EXOG: variants seen among roughly 807,000 people sequenced by gnomAD.
EXOG encodes the protein nuclease EXOG, mitochondrial.
A neutral mutation model predicts 25.8 loss-of-function variants in EXOG; 27 were observed. That is an observed-to-expected ratio of 1.05 (90% CI 0.77 to 1.45). The LOEUF is 1.45. EXOG is among the 40% of genes most tolerant of loss of function. EXOG has a pLI of 0.00. For missense variants in EXOG, 458 were observed against 450.5 expected (o/e 1.02, Z -0.15); for synonymous variants, 133 against 167.0 (o/e 0.80, Z 1.57).
intron 4 of EXOG, among the ~76,000 whole-genome samples, chr3:38,504,111 T>C (rs2060128139): frequency 6.6e-6 from 1 of 152,212 alleles, no homozygotes; most frequent in East Asian, 1.9e-4. Flanking sequence ...TTCATGTCTA[T>C]AGTCTCAGCA....
intron 5 of EXOG, among the ~76,000 whole-genome samples, chr3:38,514,546 T>A (rs1328056362): frequency 6.6e-6 from 1 of 151,934 alleles, no homozygotes; most frequent in Non-Finnish European, 1.5e-5. Context: ...GTAGGAGAAA[T>A]CTAGGGGAGA....
intron 5 of EXOG, among the ~76,000 whole-genome samples, chr3:38,512,474 C>T (rs2186457): frequency 0.47 from 71,520 of 151,880 alleles, 17,805 homozygotes; most frequent in African/African-American, 0.63. Flanking sequence ...TGACCTGTCG[C>T]TTATTAACAG....
chr3:38,503,863 T>G (rs2060120399), intron 4 of EXOG, among the ~76,000 whole-genome samples, 172 bp downstream of exon 4: 1 of 152,218 alleles, frequency 6.6e-6, no homozygotes. Context: ...TACAGCCTTC[T>G]ACAGAAGATC....
chr3:38,525,653 G>A lies in EXOG; in HGVS notation c.*1291G>A, dbSNP rs1202282165. 7.1e-6 allele frequency: 7 copies of A among 984,800 alleles called. No individual in the cohort carries two copies. The East Asian group carries it at 6.8e-4, about 96-fold the overall frequency. 61.0% of individuals were successfully genotyped at this position (984,800 alleles called of 1,614,324 possible). On this transcript the variant is annotated 3_prime_UTR_variant, in exon 6 of 6. Coordinates refer to ENST00000287675, the MANE Select transcript of EXOG (RefSeq NM_005107.4). The stretch of plus-strand genomic sequence containing the variant: ...TTCTTAAGATTAAGAAACCTATGAA[G>A]GATCTGCAGCCAGGCATGGTGGCTC...
intron 5 of EXOG, among the ~76,000 whole-genome samples, chr3:38,522,495 C>G (rs907481210): frequency 2.0e-5 from 3 of 152,036 alleles, no homozygotes; most frequent in Non-Finnish European, 4.4e-5. Context: ...TTCAAAAAAG[C>G]CTTTTTGTTT....
In EXOG at chr3:38,524,217, CAGTGCTCAG is replaced by C. The variant is rs2060816627; in HGVS notation, c.964_972del (p.Val322_Arg324del). The C allele has an allele frequency of 6.2e-7, 1 of 1,613,926 alleles. No individual in the cohort carries two copies. Among genetic ancestry groups the C allele is most frequent in the South Asian group, 1.1e-5 (1 of 91,084 alleles). On this transcript the variant is annotated inframe_deletion, in exon 6 of 6. Coordinates refer to ENST00000287675, the MANE Select transcript of EXOG (RefSeq NM_005107.4). ...ACAAGAAAGATTGAAGGAGCCCGAT[CAGTGCTCAG>C]ACTGGAAAAGATCATGGAAAACTTG...
intron 2 of EXOG, among the ~76,000 whole-genome samples, chr3:38,499,901 C>G (rs547738624): frequency 2.0e-5 from 3 of 152,164 alleles, no homozygotes; most frequent in African/African-American, 7.2e-5. Flanking sequence ...AAACCAAAAC[C>G]ACATTTGCCT....
intron 5 of EXOG, among the ~76,000 whole-genome samples, chr3:38,522,378 T>TA (rs1255900305): frequency 1.3e-5 from 2 of 152,234 alleles, no homozygotes; most frequent in African/African-American, 2.4e-5. Context: ...AACTGACTCT[T>TA]ACCAGGGAAG....
chr3:38,505,295 A>G (rs2060169516), intron 4 of EXOG, among the ~76,000 whole-genome samples: 1 of 150,480 alleles, frequency 6.6e-6, no homozygotes, highest in South Asian at 2.1e-4. Context: ...CTCCATTCAG[A>G]TTATCTGTTG....
At chr3:38,507,741 C>T (rs1231610051) in intron 5 of EXOG, among the ~76,000 whole-genome samples, 2 of 152,076 alleles carry the variant, frequency 1.3e-5, no homozygotes, top group Non-Finnish European at 2.9e-5. Flanking sequence ...TTAGGACATA[C>T]AAGCAGTTGG....
intron 2 of EXOG, chr3:38,498,767 G>A (rs1289908070): frequency 5.9e-6 from 2 of 340,232 alleles, no homozygotes; most frequent in African/African-American, 4.3e-5. Flanking sequence ...GTTCTTTTAG[G>A]GAACTAAAAG....
At chr3:38,499,158 A>G (rs971705882) in intron 2 of EXOG, among the ~76,000 whole-genome samples, 1 of 152,200 alleles carries the variant, frequency 6.6e-6, no homozygotes, top group African/African-American at 2.4e-5. Flanking sequence ...TTTATTTATT[A>G]AGGATATTAC....
At chr3:38,503,955 A>G (rs545164006) in intron 4 of EXOG, among the ~76,000 whole-genome samples, 39 of 152,348 alleles carry the variant, frequency 2.6e-4, no homozygotes, top group African/African-American at 8.9e-4. Flanking sequence ...ACTCAAAATA[A>G]TAATCTTAAT....
chr3:38,525,931 G>C lies in EXOG; in HGVS notation c.*1569G>C, dbSNP rs1312892180. The C allele has an allele frequency of 4.1e-6, 4 of 967,138 alleles. No individual in the cohort carries two copies. Among genetic ancestry groups the C allele is most frequent in the Non-Finnish European group, 4.9e-6 (4 of 813,372 alleles). 59.9% of individuals were successfully genotyped at this position (967,138 alleles called of 1,614,324 possible). Reference sequence around the variant, plus strand: ...TGGACGCCAGCCTGGGCCACAGAGGGAGACCCTGTCTCAAAAAAAGAAAAG... The same window carrying C: ...TGGACGCCAGCCTGGGCCACAGAGGCAGACCCTGTCTCAAAAAAAGAAAAG... On this transcript the variant is annotated 3_prime_UTR_variant, in exon 6 of 6. Transcript: ENST00000287675.
rs566053711 is a variant in EXOG at position 38,501,296 on chromosome 3, A to G, written c.314-59A>G. On this transcript the variant is annotated intron_variant, in intron 2 of 5. Coordinates refer to ENST00000287675, the MANE Select transcript of EXOG (RefSeq NM_005107.4). Reference sequence around the variant, plus strand: ...GTAGCAACCAGCTTGCCTTGCTTAGAGAATCTTGAGGGACATTTGTCTACT... The same window carrying G: ...GTAGCAACCAGCTTGCCTTGCTTAGGGAATCTTGAGGGACATTTGTCTACT... The G allele has an allele frequency of 2.6e-6, 4 of 1,515,022 alleles. No homozygotes were observed. In the East Asian group the frequency reaches 6.8e-5, roughly 26 times the overall value. 93.8% of individuals were successfully genotyped at this position (1,515,022 alleles called of 1,614,324 possible). A position where few individuals can be genotyped will look rare whatever the true frequency, so the allele number is the denominator to read the frequency against.
intron 1 of EXOG, 179 bp downstream of exon 1, chr3:38,496,709 G>T (rs930540821): frequency 1.4e-6 from 2 of 1,439,322 alleles, no homozygotes; most frequent in Non-Finnish European, 1.8e-6. Context: ...CTCGCGTCTC[G>T]CCAGCTTCCC....
At chr3:38,516,417 A>C (rs1047400357) in intron 5 of EXOG, among the ~76,000 whole-genome samples, 26 of 152,314 alleles carry the variant, frequency 1.7e-4, no homozygotes, top group Admixed American at 7.2e-4. Context: ...TTATAAGAAC[A>C]ATAAAAAGAA....
At chr3:38,510,262 ATAGAT>A (rs2060327453) in intron 5 of EXOG, among the ~76,000 whole-genome samples, 1 of 152,192 alleles carries the variant, frequency 6.6e-6, no homozygotes. Context: ...TTCCAGATTA[ATAGAT>A]TAAAGAGTCA....
chr3:38,514,863 C>T (rs2060489749), intron 5 of EXOG, among the ~76,000 whole-genome samples: 1 of 151,088 alleles, frequency 6.6e-6, no homozygotes, highest in African/African-American at 2.4e-5. Context: ...CTCCACCTCC[C>T]AGGTTCAAGC....
Sources: gnomAD v4.1 joint callset for allele counts (sites outside exome capture counted in the v4.1 genomes callset) on GRCh38, gnomAD v4.1.1 for gene constraint, MANE v1.5 for transcripts, NCBI Gene and HGNC (gene_info 2026-07-23, HGNC 2026-07-21) for gene names.